FCHSD2: variants seen among roughly 807,000 people sequenced by gnomAD.
FCHSD2 encodes the protein F-BAR and double SH3 domains protein 2.
A neutral mutation model predicts 108.1 loss-of-function variants in FCHSD2; 38 were observed. The ratio of observed to expected loss-of-function variants is 0.35; its 90% CI spans 0.27 to 0.46. The LOEUF is 0.46. Among genes scored for constraint, FCHSD2 ranks in the 20% least tolerant of loss-of-function variants. The pLI is 1.00. For missense variants in FCHSD2, 751 were observed against 897.8 expected, an observed-to-expected ratio of 0.84 and a Z score of 2.09; for synonymous variants, 279 against 314.7, an observed-to-expected ratio of 0.89 and a Z score of 1.20.
chr11:73,033,605 A>G (rs1472116442), intron 3 of FCHSD2, among the ~76,000 whole-genome samples: 1 of 152,214 alleles, frequency 6.6e-6, no homozygotes, highest in Non-Finnish European at 1.5e-5. Context: ...TGAAGCAACT[A>G]CAAGCATATC....
At chr11:73,084,931 A>G (rs1246681022) in intron 2 of FCHSD2, among the ~76,000 whole-genome samples, 1 of 151,180 alleles carries the variant, frequency 6.6e-6, no homozygotes, top group Non-Finnish European at 1.5e-5. Context: ...CACCAGTGCA[A>G]AGACCAAAGA....
chr11:72,931,817 C>G (rs1265115764), intron 8 of FCHSD2, among the ~76,000 whole-genome samples: 1 of 152,194 alleles, frequency 6.6e-6, no homozygotes, highest in African/African-American at 2.4e-5. Flanking sequence ...CAACAAACAT[C>G]TGTCAAATAG....
intron 10 of FCHSD2, chr11:72,900,223 C>CAAACCA: frequency 1.5e-5 from 14 of 950,962 alleles, no homozygotes; most frequent in Admixed American, 2.0e-5. Context: ...CCACACTTCC[C>CAAACCA]ATCCCTCCCG....
chr11:73,139,303 G>C (rs1591587015), intron 2 of FCHSD2, among the ~76,000 whole-genome samples: 1 of 152,150 alleles, frequency 6.6e-6, no homozygotes, highest in African/African-American at 2.4e-5. Context: ...TTATACAAGG[G>C]AAATAAGAAT....
chr11:72,971,110 T>G (rs891247688), intron 8 of FCHSD2, among the ~76,000 whole-genome samples: 5 of 152,150 alleles, frequency 3.3e-5, no homozygotes, highest in African/African-American at 1.2e-4. Flanking sequence ...AATGCTGTTG[T>G]TTTAAGCCAC....
At chr11:73,041,296 A>C (rs1250408516) in intron 3 of FCHSD2, among the ~76,000 whole-genome samples, 1 of 152,174 alleles carries the variant, frequency 6.6e-6, no homozygotes, top group Non-Finnish European at 1.5e-5. Context: ...TTTTTTGAGA[A>C]ACTTCCATAC....
intron 12 of FCHSD2, among the ~76,000 whole-genome samples, chr11:72,875,332 G>C (rs1854945920): frequency 6.6e-6 from 1 of 151,900 alleles, no homozygotes; most frequent in Non-Finnish European, 1.5e-5. Context: ...ACAATTCTAG[G>C]GGTCAATATT....
At chr11:73,103,265 G>GA (rs1265340664) in intron 2 of FCHSD2, among the ~76,000 whole-genome samples, 1 of 151,860 alleles carries the variant, frequency 6.6e-6, no homozygotes, top group Non-Finnish European at 1.5e-5. Context: ...GTAAGATTAA[G>GA]AAAAAATAAA....
chr11:73,020,159 G>A (rs1368614725), intron 3 of FCHSD2, among the ~76,000 whole-genome samples: 1 of 152,144 alleles, frequency 6.6e-6, no homozygotes, highest in Non-Finnish European at 1.5e-5. Flanking sequence ...TCTGATGTTA[G>A]GCTTGCTTTG....
intron 3 of FCHSD2, among the ~76,000 whole-genome samples, chr11:73,072,955 T>C (rs1343474942): frequency 6.6e-6 from 1 of 152,172 alleles, no homozygotes; most frequent in Non-Finnish European, 1.5e-5. Context: ...TGCCAACATG[T>C]CTGTGTTTAC....
At chr11:72,872,281 CTTTTCTT>C (rs1361191351) in intron 12 of FCHSD2, among the ~76,000 whole-genome samples, 2 of 85,928 alleles carry the variant, frequency 2.3e-5, no homozygotes, top group South Asian at 4.6e-4. Context: ...CTTTTTTTTT[CTTTTCTT>C]TTTTTTTTTT....
chr11:73,047,170 G>T (rs1449998560), intron 3 of FCHSD2, among the ~76,000 whole-genome samples: 1 of 149,514 alleles, frequency 6.7e-6, no homozygotes, highest in Non-Finnish European at 1.5e-5. Flanking sequence ...AAACATGACT[G>T]TAAATTTGAA....
At chr11:73,103,627 T>G (rs1399425797) in intron 2 of FCHSD2, among the ~76,000 whole-genome samples, 1 of 152,138 alleles carries the variant, frequency 6.6e-6, no homozygotes, top group African/African-American at 2.4e-5. Flanking sequence ...CACAGTTCAA[T>G]TAAACTAAAA....
intron 3 of FCHSD2, among the ~76,000 whole-genome samples, chr11:73,065,880 C>T (rs970506886): frequency 1.3e-5 from 2 of 152,160 alleles, no homozygotes; most frequent in Admixed American, 1.3e-4. Context: ...AAAAATATTC[C>T]ATGCTTACGG....
chr11:72,935,094 T>A (rs1856274564), intron 8 of FCHSD2, among the ~76,000 whole-genome samples: 1 of 151,750 alleles, frequency 6.6e-6, no homozygotes. Flanking sequence ...TGTTAAATAC[T>A]CAAAATAGTG....
Position 73,008,046 on chromosome 11 carries a change from AGGACAAT to A in FCHSD2, c.243-6919_243-6913del. Among the ~76,000 whole-genome samples the A allele has an allele frequency of 1.3e-5, 2 of 152,188 alleles. 1 individual carries two copies. Among genetic ancestry groups the A allele is most frequent in the African/African-American group, 4.8e-5 (2 of 41,430 alleles). On this transcript the variant is annotated intron_variant, in intron 4 of 19. Transcript: ENST00000409418. ...CTGGCATCACATCTCAAGACAACTC[AGGACAAT>A]GTGATTAAGGGCTGGCTGCAGTGCC...
chr11:72,978,372 A>C (rs1857147695), intron 8 of FCHSD2, among the ~76,000 whole-genome samples: 1 of 152,206 alleles, frequency 6.6e-6, no homozygotes, highest in South Asian at 2.1e-4. Context: ...AAATCTGAAT[A>C]GACATTTCTC....
chr11:72,873,096 G>A (rs373377265), intron 12 of FCHSD2, among the ~76,000 whole-genome samples: 25 of 152,306 alleles, frequency 1.6e-4, no homozygotes, highest in African/African-American at 5.1e-4. Flanking sequence ...TCGGGAGGCT[G>A]AGGCGGGCAG....
chr11:73,029,704 G>A (rs1023603676), intron 3 of FCHSD2, among the ~76,000 whole-genome samples: 1 of 152,164 alleles, frequency 6.6e-6, no homozygotes, highest in African/African-American at 2.4e-5. Context: ...GGAACTTAAA[G>A]GGACAGCGTC....
Sources: gnomAD v4.1 joint callset for allele counts (sites outside exome capture counted in the v4.1 genomes callset) on GRCh38, gnomAD v4.1.1 for gene constraint, MANE v1.5 for transcripts, NCBI Gene and HGNC (gene_info 2026-07-23, HGNC 2026-07-21) for gene names.